Variants in SLC1A1 observed in about 807,000 individuals in gnomAD.
The protein encoded by SLC1A1 is solute carrier family 1 member 1, also known as excitatory amino acid transporter 3.
In SLC1A1, 43 loss-of-function variants were observed where a neutral mutation model predicts 53.3. The observed-to-expected ratio is 0.81, with a 90% CI of 0.63 to 1.04. The LOEUF (loss-of-function observed/expected upper bound fraction) is 1.04, where lower values mean the gene tolerates loss of function less well. Among genes scored for constraint, SLC1A1 ranks in the 50% least tolerant of loss-of-function variants. SLC1A1 has a pLI of 0.00. For missense variants in SLC1A1, 748 were observed against 664.9 expected, an observed-to-expected ratio of 1.12 and a Z score of -1.37; for synonymous variants, 307 against 243.2, an observed-to-expected ratio of 1.26 and a Z score of -2.44.
At position 4,552,854 on chromosome 9, in the gene SLC1A1, A is replaced by T. The variant is rs185501853; in HGVS notation, c.232+8147A>T. ...ACTCTTTTTTGTCTGAGACCTTCAG[A>T]AGTTCCTATAAAGTACCTGAACTGG... is the stretch of plus-strand genomic sequence containing the variant. On this transcript the variant is annotated intron_variant, in intron 2 of 11. Coordinates refer to ENST00000262352, the MANE Select transcript of SLC1A1 (RefSeq NM_004170.6). Among the ~76,000 whole-genome samples, 3 of 151,904 alleles carry T rather than the reference A, an allele frequency of 2.0e-5. No homozygotes were observed. In the East Asian group the frequency reaches 5.8e-4, roughly 29 times the overall value.
chr9:4,543,347 T>C (rs1246034040), intron 1 of SLC1A1, among the ~76,000 whole-genome samples: 1 of 152,176 alleles, frequency 6.6e-6, no homozygotes, highest in African/African-American at 2.4e-5. Flanking sequence ...GGAAAAAAGA[T>C]GCAAAAGTCA....
At chr9:4,542,876 T>A (rs1817138433) in intron 1 of SLC1A1, among the ~76,000 whole-genome samples, 1 of 152,218 alleles carries the variant, frequency 6.6e-6, no homozygotes, top group South Asian at 2.1e-4. Context: ...TGTTTCATCT[T>A]TGTCTTAGCT....
At chr9:4,530,188 G>T (rs1356771312) in intron 1 of SLC1A1, among the ~76,000 whole-genome samples, 1 of 152,070 alleles carries the variant, frequency 6.6e-6, no homozygotes, top group Non-Finnish European at 1.5e-5. Flanking sequence ...TGCAAAAAGA[G>T]GGCCCAATTC....
chr9:4,562,698 G>A (rs912440155), intron 3 of SLC1A1, among the ~76,000 whole-genome samples: 4 of 152,120 alleles, frequency 2.6e-5, no homozygotes, highest in African/African-American at 9.7e-5. Flanking sequence ...ATAGTTTACT[G>A]AGAATGATGA....
In SLC1A1 at chr9:4,585,734, AT is replaced by A; in HGVS notation, c.*179del. 1.3e-6 allele frequency: 1 copy of A among 770,140 alleles called. No homozygotes were observed. The highest frequency in any genetic ancestry group is 2.1e-6 in the Non-Finnish European group (1 of 482,422). The allele number at this position is 770,140 out of a possible 1,614,324, so 47.7% of individuals were successfully genotyped here. On this transcript the variant is annotated 3_prime_UTR_variant, in exon 12 of 12. Coordinates refer to ENST00000262352, the MANE Select transcript of SLC1A1 (RefSeq NM_004170.6). ...CAGCCTTTGCGCTCTGGGTTTTGGG[AT>A]TTGGGTGTGGGGTAAGTTGAAGGGA...
chr9:4,547,435 G>T (rs1271554055), intron 2 of SLC1A1, among the ~76,000 whole-genome samples: 1 of 152,188 alleles, frequency 6.6e-6, no homozygotes, highest in Non-Finnish European at 1.5e-5. Flanking sequence ...AATAGTCAAA[G>T]ATTCAAGGGA....
rs766767482 is a variant in SLC1A1 at position 4,566,074 on chromosome 9, G to C, written c.468G>C (p.Gln156His). The C allele has an allele frequency of 6.2e-7, 1 of 1,613,440 alleles. No homozygotes were observed. The highest frequency in any genetic ancestry group is 8.5e-7 in the Non-Finnish European group (1 of 1,179,500). The stretch of plus-strand genomic sequence containing the variant: ...ATATGTTCCCTGAGAATCTTGTCCA[G>C]GCCTGTTTTCAGCAGGTAATATTAA... ...IRNMFPENLV[Q>H]ACFQQYKTKR... is the part of the protein sequence containing the mutation. The change falls in exon 5 of 12, where the codon CAG becomes CAC. Residue 156 changes from glutamine (Q) to histidine (H), a missense_variant. Coordinates refer to ENST00000262352, the MANE Select transcript of SLC1A1 (RefSeq NM_004170.6).
chr9:4,491,212 A>C (rs1820225593), intron 1 of SLC1A1, among the ~76,000 whole-genome samples: 1 of 152,108 alleles, frequency 6.6e-6, no homozygotes, highest in Non-Finnish European at 1.5e-5. Context: ...TTCTCAGTCG[A>C]ATTGGAAGAG....
chr9:4,561,892 A>G (rs1818980901), intron 3 of SLC1A1, among the ~76,000 whole-genome samples: 1 of 152,102 alleles, frequency 6.6e-6, no homozygotes, highest in Non-Finnish European at 1.5e-5. Context: ...TTGTATGTTA[A>G]GAAAAGCTCA....
chr9:4,546,198 G>T (rs999295374), intron 2 of SLC1A1, among the ~76,000 whole-genome samples: 1 of 152,132 alleles, frequency 6.6e-6, no homozygotes, highest in African/African-American at 2.4e-5. Flanking sequence ...TCCTTAAATG[G>T]TCTTGATGTT....
intron 1 of SLC1A1, among the ~76,000 whole-genome samples, chr9:4,527,611 T>G (rs982257849): frequency 4.6e-5 from 7 of 152,150 alleles, no homozygotes; most frequent in Non-Finnish European, 8.8e-5. Flanking sequence ...TCAAACCAGG[T>G]TCTCATTTTA....
chr9:4,580,601 ATGTGTGTGTGTGTGTGTGTGTG>A (rs71326118), intron 10 of SLC1A1, among the ~76,000 whole-genome samples: 30 of 69,692 alleles, frequency 4.3e-4, no homozygotes, highest in Non-Finnish European at 7.7e-4. Context: ...AAAAATATAT[ATGTGTGTGTGTGTGTGTGTGTG>A]TGTGTGTGTG....
At chr9:4,582,962 G>A in intron 10 of SLC1A1, 76 bp from the exon 11 acceptor site, 1 of 1,582,512 alleles carries the variant, frequency 6.3e-7, no homozygotes, top group Non-Finnish European at 8.7e-7. Flanking sequence ...GACTAAGCGG[G>A]AGTAACCATT....
chr9:4,567,528 C>T (rs963782235), intron 5 of SLC1A1, 141 bp from the exon 6 acceptor site: 4 of 679,466 alleles, frequency 5.9e-6, no homozygotes, highest in Non-Finnish European at 1.1e-5. Context: ...CCGTTGACAA[C>T]TGGAGCCAAC....
chr9:4,560,855 G>C (rs1216144781), intron 2 of SLC1A1, among the ~76,000 whole-genome samples: 1 of 152,074 alleles, frequency 6.6e-6, no homozygotes, highest in Non-Finnish European at 1.5e-5. Context: ...AATTAGCTGG[G>C]TGTGGTGGTG....
intron 1 of SLC1A1, among the ~76,000 whole-genome samples, chr9:4,536,208 C>G (rs1420312814): frequency 2.0e-5 from 3 of 152,110 alleles, no homozygotes; most frequent in Non-Finnish European, 4.4e-5. Flanking sequence ...TCTCATTAAA[C>G]CAAAGAGCTT....
chr9:4,519,849 C>T (rs921542098), intron 1 of SLC1A1, among the ~76,000 whole-genome samples: 1 of 152,134 alleles, frequency 6.6e-6, no homozygotes, highest in Non-Finnish European at 1.5e-5. Context: ...CATGGGGACC[C>T]GGACCACATG....
intron 1 of SLC1A1, among the ~76,000 whole-genome samples, chr9:4,522,151 G>C (rs10119479): frequency 1.3e-5 from 2 of 150,012 alleles, no homozygotes; most frequent in South Asian, 4.3e-4. Flanking sequence ...TCCTGGGTTC[G>C]TGCCATTCTC....
chr9:4,515,025 T>TATTCTCTTTCTCTCTCTCTCTCCCCC (rs1821118289), intron 1 of SLC1A1, among the ~76,000 whole-genome samples: 1 of 151,924 alleles, frequency 6.6e-6, no homozygotes, highest in Non-Finnish European at 1.5e-5. Flanking sequence ...CTCTCTCTCC[T>TATTCTCTTTCTCTCTCTCTCTCCCCC]CTTCTCTTTC....
Sources: gnomAD v4.1 joint callset for allele counts (sites outside exome capture counted in the v4.1 genomes callset) on GRCh38, gnomAD v4.1.1 for gene constraint, MANE v1.5 for transcripts, NCBI Gene and HGNC (gene_info 2026-07-23, HGNC 2026-07-21) for gene names.